The following GRIP1 variants were observed in gnomAD, a reference collection of about 807,000 sequenced individuals.
The protein encoded by GRIP1 is glutamate receptor interacting protein 1, also known as glutamate receptor-interacting protein 1.
GRIP1 carries 45 observed loss-of-function variants against 129.9 expected under a neutral mutation model. The ratio of observed to expected loss-of-function variants is 0.35; its 90% confidence interval spans 0.27 to 0.44. The LOEUF is 0.44. Among genes scored for constraint, GRIP1 ranks in the 20% least tolerant of loss-of-function variants. The pLI is 1.00. For missense variants in GRIP1, 1,196 were observed against 1,396.8 expected, an observed-to-expected ratio of 0.86 and a Z score of 2.29; for synonymous variants, 530 against 520.8, an observed-to-expected ratio of 1.02 and a Z score of -0.24.
chr12:66,816,438 C>T (rs1261225322), intron 1 of GRIP1, among the ~76,000 whole-genome samples: 1 of 152,100 alleles, frequency 6.6e-6, no homozygotes, highest in Non-Finnish European at 1.5e-5. Context: ...GTACTAAAGG[C>T]TCTATCAAAA....
chr12:66,636,517 G>A (rs2031388131), intron 1 of GRIP1, among the ~76,000 whole-genome samples: 1 of 152,096 alleles, frequency 6.6e-6, no homozygotes. Context: ...TAATTGCTAT[G>A]GAATGAATTG....
rs551659826 is a variant in GRIP1 at position 66,478,599 on chromosome 12, C to T, written c.725-13177G>A. Among the ~76,000 whole-genome samples the T allele has an allele frequency of 1.2e-4, 19 of 152,122 alleles. No individual in the cohort carries two copies. The East Asian group carries it at 3.3e-3, about 26-fold the overall frequency. On this transcript the variant is annotated intron_variant, in intron 7 of 24. Transcript: ENST00000359742. The stretch of plus-strand genomic sequence containing the variant: ...CACACGTATGTTTATTGCGGCAGTA[C>T]TCACAATAGCAAAGACTTGGAACCA...
At chr12:66,913,135 A>C (rs1380724070) in intron 1 of GRIP1, among the ~76,000 whole-genome samples, 1 of 152,208 alleles carries the variant, frequency 6.6e-6, no homozygotes, top group African/African-American at 2.4e-5. Context: ...GATCTGCTTT[A>C]GTACCTGAAA....
At chr12:66,624,062 T>C (rs893732791) in intron 1 of GRIP1, among the ~76,000 whole-genome samples, 1 of 152,198 alleles carries the variant, frequency 6.6e-6, no homozygotes, top group African/African-American at 2.4e-5. Context: ...TGCAACGCAC[T>C]GTGCTAGATG....
intron 5 of GRIP1, among the ~76,000 whole-genome samples, chr12:66,527,774 AG>A: frequency 6.6e-6 from 1 of 152,262 alleles, no homozygotes; most frequent in South Asian, 2.1e-4. Context: ...ATGGACACAA[AG>A]AAGGGAACAA....
At chr12:66,621,990 G>C (rs1200986057) in intron 1 of GRIP1, among the ~76,000 whole-genome samples, 1 of 152,022 alleles carries the variant, frequency 6.6e-6, no homozygotes, top group Non-Finnish European at 1.5e-5. Flanking sequence ...ATATATTTTG[G>C]ATATTCTTTG....
intron 1 of GRIP1, among the ~76,000 whole-genome samples, chr12:66,792,273 T>C (rs1436517608): frequency 6.6e-6 from 1 of 152,142 alleles, no homozygotes; most frequent in African/African-American, 2.4e-5. Context: ...TTTTTTCTTT[T>C]TTGCAGTGCA....
chr12:66,470,406 C>G (rs2059404161), intron 7 of GRIP1, among the ~76,000 whole-genome samples: 3 of 149,186 alleles, frequency 2.0e-5, no homozygotes, highest in Non-Finnish European at 4.4e-5. Flanking sequence ...ACACAGAATG[C>G]CCCACCTCTT....
At chr12:66,632,902 T>C (rs556067775) in intron 1 of GRIP1, among the ~76,000 whole-genome samples, 1 of 152,302 alleles carries the variant, frequency 6.6e-6, no homozygotes, top group South Asian at 2.1e-4. Flanking sequence ...TGGGATTGAT[T>C]CTATTTTATA....
chr12:66,375,915 G>C (rs1421504597), intron 22 of GRIP1, among the ~76,000 whole-genome samples: 1 of 152,164 alleles, frequency 6.6e-6, no homozygotes, highest in South Asian at 2.1e-4. Flanking sequence ...TCAAAAGCAG[G>C]GCTATGTTCA....
At chr12:66,972,907 A>T (rs1221904686) in intron 1 of GRIP1, among the ~76,000 whole-genome samples, 1 of 152,186 alleles carries the variant, frequency 6.6e-6, no homozygotes, top group African/African-American at 2.4e-5. Flanking sequence ...CACATTCTCA[A>T]AGGAACTCCT....
intron 1 of GRIP1, among the ~76,000 whole-genome samples, chr12:66,696,544 T>C (rs1407681111): frequency 6.6e-6 from 1 of 151,910 alleles, no homozygotes; most frequent in Non-Finnish European, 1.5e-5. Flanking sequence ...CCCAGCACTT[T>C]GGGAGGCCGA....
intron 14 of GRIP1, among the ~76,000 whole-genome samples, chr12:66,426,805 A>C (rs2058001656): frequency 6.6e-6 from 1 of 152,158 alleles, no homozygotes; most frequent in Non-Finnish European, 1.5e-5. Context: ...GAAGGCTATT[A>C]AACTTGGCTA....
chr12:66,938,762 T>G lies in GRIP1; in HGVS notation c.58+130288A>C, dbSNP rs112672027. Among the ~76,000 whole-genome samples the G allele has an allele frequency of 1.7e-3, 266 of 152,002 alleles. 1 individual carries two copies. Among genetic ancestry groups the G allele is most frequent in the African/African-American group, 5.5e-3 (228 of 41,484 alleles). ...TCACCAGGTCAGGAGATCAAGACCA[T>G]CCTGGCCAACATGGTGAAACCCCAT... On this transcript the variant is annotated intron_variant, in intron 1 of 1. Transcript: ENST00000643019.
chr12:66,629,908 T>C (rs1303997002), intron 1 of GRIP1, among the ~76,000 whole-genome samples: 1 of 151,424 alleles, frequency 6.6e-6, no homozygotes, highest in Non-Finnish European at 1.5e-5. Flanking sequence ...TTGGTTCTTG[T>C]TGTTTTTCCT....
chr12:66,824,925 AT>A (rs2039383203), intron 1 of GRIP1, among the ~76,000 whole-genome samples: 1 of 152,208 alleles, frequency 6.6e-6, no homozygotes, highest in African/African-American at 2.4e-5. Context: ...AAAAGAGGCC[AT>A]TTTGGTAAAA....
intron 1 of GRIP1, among the ~76,000 whole-genome samples, chr12:66,986,116 CA>C (rs1388045345): frequency 6.6e-6 from 1 of 152,186 alleles, no homozygotes; most frequent in African/African-American, 2.4e-5. Context: ...ATGCACATCA[CA>C]ATCCAAGCAA....
At chr12:66,979,405 A>G (rs982758487) in intron 1 of GRIP1, among the ~76,000 whole-genome samples, 10 of 151,664 alleles carry the variant, frequency 6.6e-5, no homozygotes, top group African/African-American at 2.2e-4. Flanking sequence ...TCCCTAGTTT[A>G]TATGGTAATA....
At chr12:67,053,619 C>A (rs1394993364) in intron 1 of GRIP1, among the ~76,000 whole-genome samples, 1 of 152,010 alleles carries the variant, frequency 6.6e-6, no homozygotes, top group East Asian at 1.9e-4. Context: ...GCGGGTATAT[C>A]ACCTAAGGTC....
Sources: allele counts gnomAD v4.1 joint callset (sites outside exome capture counted in the v4.1 genomes callset), GRCh38; gene constraint gnomAD v4.1.1; transcripts MANE v1.5; gene names NCBI Gene and HGNC (gene_info 2026-07-23, HGNC 2026-07-21).